The following AP1G1 variants were observed in gnomAD, a reference collection of about 807,000 sequenced individuals.
AP1G1 encodes AP-1 complex subunit gamma-1.
Under a neutral mutation model 108.3 loss-of-function variants are expected in AP1G1, and 7 were observed. The observed-to-expected ratio is 0.06, with a 90% CI of 0.04 to 0.12. The LOEUF is 0.12. AP1G1 is among the 10% of genes least tolerant of loss of function. The pLI, the probability that AP1G1 is intolerant of heterozygous loss-of-function variation, is 1.00. For synonymous variants in AP1G1, 379 were observed against 353.5 expected (o/e 1.07, Z -0.81); for missense variants, 756 against 1,010.7 (o/e 0.75, Z 3.42).
chr16:71,754,149 G>A (rs1163308163), intron 12 of AP1G1, among the ~76,000 whole-genome samples: 1 of 151,896 alleles, frequency 6.6e-6, no homozygotes, highest in Non-Finnish European at 1.5e-5. Flanking sequence ...TGAGGTAGGA[G>A]GATTGCCTGA....
chr16:71,774,451 A>T lies in AP1G1; in HGVS notation c.326+17T>A. 2 of 1,587,036 alleles carry T rather than the reference A, an allele frequency of 1.3e-6. No homozygotes were observed. The highest frequency in any genetic ancestry group is 2.3e-5 in the South Asian group (2 of 85,668). On this transcript the variant is annotated intron_variant, in intron 3 of 22. Transcript: ENST00000299980. Reference sequence around the variant, plus strand: ...AAGTAGTTAACAGTTGTTAGAAGAAAGAAAAGTAAGACTTACTTCTTGATA... The same window carrying T: ...AAGTAGTTAACAGTTGTTAGAAGAATGAAAAGTAAGACTTACTTCTTGATA...
At chr16:71,783,489 T>C (rs1203300017) in intron 2 of AP1G1, among the ~76,000 whole-genome samples, 1 of 152,176 alleles carries the variant, frequency 6.6e-6, no homozygotes, top group Non-Finnish European at 1.5e-5. Flanking sequence ...CCTACAAATA[T>C]ATTTCTCCAA....
At chr16:71,756,881 G>C (rs1450323636) in intron 11 of AP1G1, among the ~76,000 whole-genome samples, 1 of 147,796 alleles carries the variant, frequency 6.8e-6, no homozygotes, top group African/African-American at 2.5e-5. Context: ...GACAGAGATT[G>C]CAGTGAAGTG....
chr16:71,799,204 G>A (rs768458400), intron 1 of AP1G1, among the ~76,000 whole-genome samples: 3 of 151,806 alleles, frequency 2.0e-5, no homozygotes, highest in Non-Finnish European at 2.9e-5. Flanking sequence ...CTGCTATTTG[G>A]GATGAAAATT....
intron 2 of AP1G1, among the ~76,000 whole-genome samples, chr16:71,785,546 G>GCC (rs2032169106): frequency 7.8e-6 from 1 of 127,996 alleles, no homozygotes; most frequent in Non-Finnish European, 1.6e-5. Context: ...TTGTACTCCA[G>GCC]CCTGAGTGAC....
intron 21 of AP1G1, among the ~76,000 whole-genome samples, chr16:71,737,922 G>A (rs1285794717): frequency 6.6e-6 from 1 of 152,250 alleles, no homozygotes; most frequent in Non-Finnish European, 1.5e-5. Context: ...ATCTACAGCT[G>A]TTTCTGTACT....
chr16:71,745,158 T>C lies in AP1G1; in HGVS notation c.1985A>G (p.Asp662Gly). The change falls in exon 19 of 23, where the codon GAC becomes GGC. Residue 662 changes from aspartate (D) to glycine (G), a missense_variant. Transcript: ENST00000299980. ...GACTGCCTCACCTGTAAGGTTGATG[T>C]CTCCCAGCAAATCAAGAAGTTCTCC... ...AGGELLDLLG[D>G]INLTGAPAAA... 1 of 1,614,138 alleles carries C rather than the reference T, an allele frequency of 6.2e-7. No homozygotes were observed. Among genetic ancestry groups the C allele is most frequent in the Non-Finnish European group, 8.5e-7 (1 of 1,180,024 alleles).
intron 13 of AP1G1, among the ~76,000 whole-genome samples, chr16:71,752,115 C>T (rs942904195): frequency 8.6e-5 from 13 of 152,042 alleles, no homozygotes; most frequent in African/African-American, 3.1e-4. Flanking sequence ...CAGCATGTAA[C>T]AGGCTAAAGA....
intron 1 of AP1G1, among the ~76,000 whole-genome samples, chr16:71,798,281 C>A (rs567050796): frequency 6.6e-6 from 1 of 152,090 alleles, no homozygotes; most frequent in Admixed American, 6.5e-5. Flanking sequence ...TGTGTCTCTA[C>A]ACTGCCTCCC....
intron 4 of AP1G1, chr16:71,773,003 T>C: frequency 1.6e-6 from 1 of 639,244 alleles, no homozygotes; most frequent in Non-Finnish European, 2.8e-6. Context: ...AGGAATTTGG[T>C]ATGCCACCTA....
rs756616269 is a variant in AP1G1, at chr16:71,734,578, C to T, written c.2367+31G>A. 2.0e-6 allele frequency: 3 copies of T among 1,522,880 alleles called. No homozygotes were observed. The East Asian group carries it at 6.8e-5, about 34-fold the overall frequency. The allele number at this position is 1,522,880 out of a possible 1,614,324, so 94.3% of individuals were successfully genotyped here. ...TTCGGGAAATATGCTTACACTTCGG[C>T]TCAGATATTGGCTACAAATGTGCTA... On this transcript the variant is annotated intron_variant, in intron 22 of 22. Coordinates refer to ENST00000299980, the MANE Select transcript of AP1G1 (RefSeq NM_001128.6).
chr16:71,789,063 C>T (rs1313873147), intron 2 of AP1G1, among the ~76,000 whole-genome samples: 2 of 152,212 alleles, frequency 1.3e-5, no homozygotes, highest in Non-Finnish European at 2.9e-5. Context: ...AAAACATTCT[C>T]TCATCCGTAT....
At chr16:71,799,989 T>G (rs1043187414) in intron 1 of AP1G1, among the ~76,000 whole-genome samples, 6 of 146,508 alleles carry the variant, frequency 4.1e-5, no homozygotes, top group African/African-American at 1.5e-4. Flanking sequence ...GGGAGGCCGA[T>G]GCAGGCAGAT....
In AP1G1 at chr16:71,772,862, T is replaced by C. The variant is rs554791080; in HGVS notation, c.468+359A>G. On this transcript the variant is annotated intron_variant, in intron 4 of 22. Coordinates refer to ENST00000299980, the MANE Select transcript of AP1G1 (RefSeq NM_001128.6). Reference sequence around the variant, plus strand: ...TCCCTAATAATTATCTAGGTCCCAATAGAACTGCCCTTCCAGAGACACAAA... The same window carrying C: ...TCCCTAATAATTATCTAGGTCCCAACAGAACTGCCCTTCCAGAGACACAAA... 2.5e-4 allele frequency: 80 copies of C among 326,460 alleles called. 1 individual carries two copies. In the East Asian group the frequency reaches 3.3e-3, roughly 13 times the overall value. The allele number at this position is 326,460 out of a possible 1,614,324, so 20.2% of individuals were successfully genotyped here.
At chr16:71,737,348 A>T (rs2045562803) in intron 21 of AP1G1, among the ~76,000 whole-genome samples, 1 of 151,962 alleles carries the variant, frequency 6.6e-6, no homozygotes, top group African/African-American at 2.4e-5. Context: ...CAGTGGCATG[A>T]TCTTGGCTAA....
intron 10 of AP1G1, among the ~76,000 whole-genome samples, chr16:71,760,478 G>A (rs1253280934): frequency 1.3e-5 from 2 of 151,092 alleles, no homozygotes; most frequent in Admixed American, 6.6e-5. Context: ...TCGGGAGGCG[G>A]AGGTTGCAGT....
chr16:71,777,128 A>AAAC (rs2031813383), intron 2 of AP1G1, among the ~76,000 whole-genome samples: 7 of 148,892 alleles, frequency 4.7e-5, no homozygotes, highest in African/African-American at 1.7e-4. Flanking sequence ...AAAAAAAAAA[A>AAAC]AAAAAACTAT....
intron 1 of AP1G1, among the ~76,000 whole-genome samples, chr16:71,802,906 A>G (rs569249811): frequency 2.7e-4 from 41 of 152,174 alleles, no homozygotes; most frequent in African/African-American, 9.4e-4. Flanking sequence ...ACATCTTTAC[A>G]TATCTTTGAA....
In AP1G1 at chr16:71,799,875, C is replaced by T. The variant is rs1271694774; in HGVS notation, c.-4+8888G>A. On this transcript the variant is annotated intron_variant, in intron 1 of 22. Coordinates refer to ENST00000299980, the MANE Select transcript of AP1G1 (RefSeq NM_001128.6). ...GACTGCGCCACTGCACTCCAGCCTTCGTGACAGAGCGAGGTTCCATCTTAA... is the reference window on the plus strand; with the variant it reads ...GACTGCGCCACTGCACTCCAGCCTTTGTGACAGAGCGAGGTTCCATCTTAA... Among the ~76,000 whole-genome samples the T allele has an allele frequency of 2.0e-5, 3 of 148,214 alleles. No individual in the cohort carries two copies. In the Admixed American group the frequency reaches 2.0e-4, roughly 10 times the overall value.
Sources: gnomAD v4.1 joint callset for allele counts (sites outside exome capture counted in the v4.1 genomes callset) on GRCh38, gnomAD v4.1.1 for gene constraint, MANE v1.5 for transcripts, NCBI Gene and HGNC (gene_info 2026-07-23, HGNC 2026-07-21) for gene names.